The following GABRA3 variants were observed in gnomAD, a reference collection of about 807,000 sequenced individuals.
The protein encoded by GABRA3 is gamma-aminobutyric acid receptor subunit alpha-3.
GABRA3 carries 10 observed loss-of-function variants against 30.1 expected under a neutral mutation model. That is an observed-to-expected ratio of 0.33 (90% CI 0.20 to 0.56). The LOEUF (loss-of-function observed/expected upper bound fraction) is 0.56, where lower values mean the gene tolerates loss of function less well. GABRA3 is among the 20% of genes least tolerant of loss of function. GABRA3 has a pLI of 0.89. For synonymous variants in GABRA3, 151 were observed against 146.8 expected, an observed-to-expected ratio of 1.03 and a Z score of -0.21; for missense variants, 233 against 392.0, an observed-to-expected ratio of 0.59 and a Z score of 3.42.
At chrX:152,340,380 G>A (rs1940296558) in intron 3 of GABRA3, among the ~76,000 whole-genome samples, 1 of 111,842 alleles carries the variant, frequency 8.9e-6, no homozygotes, top group Non-Finnish European at 1.9e-5. Context: ...TTATCATTTG[G>A]TGAGAATTTT....
At chrX:152,305,325 T>A (rs1939704861) in intron 3 of GABRA3, among the ~76,000 whole-genome samples, 2 of 110,135 alleles carry the variant, frequency 1.8e-5, no homozygotes, top group Admixed American at 9.8e-5. Flanking sequence ...CTATGCTCAC[T>A]ATTTAAGTGA....
At chrX:152,266,795 G>T (rs1938833512) in intron 4 of GABRA3, among the ~76,000 whole-genome samples, 1 of 111,295 alleles carries the variant, frequency 9.0e-6, no homozygotes, top group African/African-American at 3.3e-5. Flanking sequence ...GCACTAGCCA[G>T]CTTCCACTAG....
intron 3 of GABRA3, among the ~76,000 whole-genome samples, chrX:152,292,506 T>A (rs898922495): frequency 7.2e-5 from 8 of 111,598 alleles, no homozygotes; most frequent in African/African-American, 2.6e-4. Context: ...AGCTCCTGGA[T>A]TCACTGATTT....
At chrX:152,414,173 C>A (rs1345390091) in intron 1 of GABRA3, among the ~76,000 whole-genome samples, 2 of 111,235 alleles carry the variant, frequency 1.8e-5, no homozygotes, top group Non-Finnish European at 3.8e-5. Flanking sequence ...AAAACCTGTA[C>A]ATGGATGTTC....
chrX:152,248,708 C>A (rs576673824), intron 5 of GABRA3, among the ~76,000 whole-genome samples: 1 of 111,265 alleles, frequency 9.0e-6, no homozygotes. Flanking sequence ...TCAAAGGATG[C>A]ATATTTATAA....
chrX:152,257,034 C>T (rs754007159), intron 4 of GABRA3, among the ~76,000 whole-genome samples: 28 of 110,672 alleles, frequency 2.5e-4, no homozygotes, highest in Non-Finnish European at 5.1e-4. Context: ...CGAAAAATTC[C>T]GGCTGATCAC....
At chrX:152,360,933 C>T (rs1928483300) in intron 2 of GABRA3, among the ~76,000 whole-genome samples, 1 of 105,148 alleles carries the variant, frequency 9.5e-6, no homozygotes, top group East Asian at 3.0e-4. Flanking sequence ...AAATCAGCCA[C>T]GTGTGGTGGC....
At chrX:152,244,335 A>T (rs1033648145) in intron 5 of GABRA3, among the ~76,000 whole-genome samples, 4 of 111,960 alleles carry the variant, frequency 3.6e-5, no homozygotes, top group African/African-American at 1.3e-4. Context: ...TAATATAACC[A>T]CTAATGTGAT....
rs144176276 is a variant in GABRA3, at chrX:152,200,205, C to T, written c.779-2420G>A. On this transcript the variant is annotated intron_variant, in intron 7 of 9. Transcript: ENST00000370314. ...CCTTGCGATATGCCTGCTCTAATAGCACTCTTATCAGAGCTTCTTATTTTT... is the reference window on the plus strand; with the variant it reads ...CCTTGCGATATGCCTGCTCTAATAGTACTCTTATCAGAGCTTCTTATTTTT... Among the ~76,000 whole-genome samples the T allele has an allele frequency of 2.3e-3, 260 of 111,892 alleles. 1 individual carries two copies. The highest frequency in any genetic ancestry group is 3.6e-3 in the Non-Finnish European group (189 of 53,186).
At position 152,364,605 on chromosome X, in the gene GABRA3, T is replaced by G. The variant is rs755020356; in HGVS notation, c.-26-9A>C. 8.6e-7 allele frequency: 1 copy of G among 1,169,006 alleles called. No individual in the cohort carries two copies. The highest frequency in any genetic ancestry group is 2.3e-5 in the Admixed American group (1 of 43,999). ...CACAAACTTGGAGAGACCTGTGAGA[T>G]TCACAGTTTAGATAAGGGATAAGAG... is the stretch of plus-strand genomic sequence containing the variant. On this transcript the variant is annotated splice_polypyrimidine_tract_variant and intron_variant, in intron 1 of 9. Coordinates refer to ENST00000370314, the MANE Select transcript of GABRA3 (RefSeq NM_000808.4).
intron 4 of GABRA3, among the ~76,000 whole-genome samples, chrX:152,277,372 C>T: frequency 9.0e-6 from 1 of 111,171 alleles, no homozygotes; most frequent in East Asian, 2.8e-4. Context: ...AGAATTATTA[C>T]TATAATGTCT....
intron 1 of GABRA3, among the ~76,000 whole-genome samples, chrX:152,386,483 C>T (rs774677715): frequency 3.6e-5 from 4 of 110,421 alleles, no homozygotes; most frequent in Admixed American, 9.7e-5. Flanking sequence ...AAAAAGTGGG[C>T]GAAGGACATG....
rs1936959084 is a variant in GABRA3 at position 152,168,171 on chromosome X, G to A, written c.*57C>T. ...CGCGAAGGGGAGCCCCGGGGTTTGGGTGCCTGGATGCTTCACGGGGTATAC... is the reference window on the plus strand; with the variant it reads ...CGCGAAGGGGAGCCCCGGGGTTTGGATGCCTGGATGCTTCACGGGGTATAC... On this transcript the variant is annotated 3_prime_UTR_variant, in exon 10 of 10. Transcript: ENST00000370314. 9.8e-7 allele frequency: 1 copy of A among 1,016,703 alleles called. No individual in the cohort carries two copies. Among genetic ancestry groups the A allele is most frequent in the African/African-American group, 1.9e-5 (1 of 53,962 alleles). The allele number at this position is 1,016,703 out of a possible 1,213,427, so 83.8% of individuals were successfully genotyped here. A position where few individuals can be genotyped will look rare whatever the true frequency, so the allele number is the denominator to read the frequency against.
intron 3 of GABRA3, among the ~76,000 whole-genome samples, chrX:152,297,610 C>G (rs747556938): frequency 4.3e-4 from 48 of 112,091 alleles, no homozygotes; most frequent in African/African-American, 1.6e-3. Flanking sequence ...AGTATAAGCT[C>G]TAGCAGTACC....
chrX:152,235,015 T>G (rs1387667282), intron 5 of GABRA3, among the ~76,000 whole-genome samples: 4 of 111,853 alleles, frequency 3.6e-5, no homozygotes, highest in Non-Finnish European at 5.6e-5. Flanking sequence ...AAAATGACAT[T>G]GGTATTTTGG....
intron 2 of GABRA3, among the ~76,000 whole-genome samples, chrX:152,362,854 C>G (rs1409340379): frequency 1.8e-5 from 2 of 111,430 alleles, no homozygotes; most frequent in Non-Finnish European, 3.8e-5. Context: ...CTGACTGAAA[C>G]AGGAAAAAAA....
At chrX:152,212,382 T>C (rs1228218268) in intron 6 of GABRA3, among the ~76,000 whole-genome samples, 1 of 107,061 alleles carries the variant, frequency 9.3e-6, no homozygotes, top group Admixed American at 1.0e-4. Flanking sequence ...CCTGGATTTC[T>C]TGTTTTTATT....
intron 4 of GABRA3, among the ~76,000 whole-genome samples, chrX:152,275,256 AATATATATAAATT>A (rs1297117218): frequency 2.9e-4 from 14 of 48,112 alleles, no homozygotes; most frequent in African/African-American, 1.3e-3. Flanking sequence ...TATATAATAA[AATATATATAAATT>A]ATATATATAA....
intron 6 of GABRA3, among the ~76,000 whole-genome samples, chrX:152,219,598 A>G (rs1165638235): frequency 9.0e-6 from 1 of 111,540 alleles, no homozygotes; most frequent in Non-Finnish European, 1.9e-5. Context: ...AAACACTGTC[A>G]CACTGAGTTA....
Sources: gnomAD v4.1 joint callset for allele counts (sites outside exome capture counted in the v4.1 genomes callset) on GRCh38, gnomAD v4.1.1 for gene constraint, MANE v1.5 for transcripts, NCBI Gene and HGNC (gene_info 2026-07-23, HGNC 2026-07-21) for gene names.